Variants in THRB observed in about 807,000 individuals in gnomAD.
THRB encodes the protein thyroid hormone receptor beta, also known as nuclear receptor subfamily 1 group A member 2.
THRB carries 12 observed loss-of-function variants against 47.8 expected under a neutral mutation model. The ratio of observed to expected loss-of-function variants is 0.25; its 90% CI spans 0.16 to 0.41. The LOEUF is 0.41. THRB is among the 10% of genes least tolerant of loss of function. The pLI is 1.00. For synonymous variants in THRB, 218 were observed against 212.2 expected, an observed-to-expected ratio of 1.03 and a Z score of -0.24; for missense variants, 348 against 589.2, an observed-to-expected ratio of 0.59 and a Z score of 4.24.
intron 4 of THRB, among the ~76,000 whole-genome samples, chr3:24,195,289 AG>A (rs1337693328): frequency 6.6e-6 from 1 of 152,200 alleles, no homozygotes; most frequent in Non-Finnish European, 1.5e-5. Context: ...TTAACTGACA[AG>A]GAACCTAAAA....
At chr3:24,427,380 A>C (rs2069869753) in intron 1 of THRB, among the ~76,000 whole-genome samples, 1 of 152,044 alleles carries the variant, frequency 6.6e-6, no homozygotes, top group African/African-American at 2.4e-5. Flanking sequence ...TGTGATTAAA[A>C]ATAGCAAACC....
chr3:24,407,660 T>A (rs2067938655), intron 1 of THRB, among the ~76,000 whole-genome samples: 4 of 151,892 alleles, frequency 2.6e-5, no homozygotes, highest in Admixed American at 2.6e-4. Context: ...CATTGAGAAC[T>A]GTTGCGTTGG....
chr3:24,401,103 G>A (rs1279813870), intron 1 of THRB, among the ~76,000 whole-genome samples: 5 of 151,664 alleles, frequency 3.3e-5, no homozygotes, highest in Admixed American at 6.6e-5. Flanking sequence ...AAACACAAAC[G>A]AGCTTTTAAA....
intron 1 of THRB, among the ~76,000 whole-genome samples, chr3:24,380,074 C>A (rs933558959): frequency 6.7e-6 from 1 of 150,002 alleles, no homozygotes; most frequent in African/African-American, 2.5e-5. Flanking sequence ...TTACTATGAG[C>A]AGCATTAAGA....
intron 3 of THRB, among the ~76,000 whole-genome samples, chr3:24,262,060 T>A (rs6782646): frequency 0.1 from 15,546 of 152,216 alleles, 2,060 homozygotes; most frequent in African/African-American, 0.31. Flanking sequence ...AGACCTCTCC[T>A]TGAACTCTAG....
chr3:24,408,425 A>T (rs1269313104), intron 1 of THRB, among the ~76,000 whole-genome samples: 4 of 151,822 alleles, frequency 2.6e-5, no homozygotes, highest in African/African-American at 9.7e-5. Context: ...TGTTGTGATC[A>T]CACCAAATTT....
At chr3:24,366,405 T>C (rs140469366) in intron 1 of THRB, among the ~76,000 whole-genome samples, 73 of 152,246 alleles carry the variant, frequency 4.8e-4, no homozygotes, top group African/African-American at 1.6e-3. Context: ...GACCAGGTGG[T>C]AGCGATGGCG....
intron 1 of THRB, among the ~76,000 whole-genome samples, chr3:24,459,835 A>AT (rs1290595077): frequency 6.6e-6 from 1 of 152,068 alleles, no homozygotes; most frequent in Non-Finnish European, 1.5e-5. Flanking sequence ...TTAAGTTCTA[A>AT]TATCCAGAAT....
At chr3:24,456,363 T>A (rs1302215429) in intron 1 of THRB, among the ~76,000 whole-genome samples, 1 of 151,818 alleles carries the variant, frequency 6.6e-6, no homozygotes, top group Non-Finnish European at 1.5e-5. Context: ...AAAATGTTTA[T>A]GAAGCTTATA....
chr3:24,363,991 G>A (rs1218302043), intron 1 of THRB, among the ~76,000 whole-genome samples: 1 of 152,140 alleles, frequency 6.6e-6, no homozygotes, highest in African/African-American at 2.4e-5. Flanking sequence ...AGTCTGAGAA[G>A]TAATACAAGG....
chr3:24,332,942 G>A lies in THRB; in HGVS notation c.-189+4358C>T, dbSNP rs182335176. Among the ~76,000 whole-genome samples, 8 of 152,160 alleles carry A rather than the reference G, an allele frequency of 5.3e-5. No individual in the cohort carries two copies. In the East Asian group the frequency reaches 7.7e-4, roughly 15 times the overall value. On this transcript the variant is annotated intron_variant, in intron 2 of 10. Coordinates refer to ENST00000646209, the MANE Select transcript of THRB (RefSeq NM_001354712.2). ...CTACTAAAAATACAAAAAATTAGCCGGGCGTGGTGGCGGGTGCCTATAGTC... is the reference window on the plus strand; with the variant it reads ...CTACTAAAAATACAAAAAATTAGCCAGGCGTGGTGGCGGGTGCCTATAGTC...
chr3:24,150,932 C>T (rs1220793073), intron 6 of THRB, among the ~76,000 whole-genome samples: 1 of 152,112 alleles, frequency 6.6e-6, no homozygotes, highest in East Asian at 1.9e-4. Flanking sequence ...AGTTTTATTA[C>T]TTTCAAATCA....
intron 2 of THRB, among the ~76,000 whole-genome samples, chr3:24,314,513 G>T (rs1460014545): frequency 6.6e-6 from 1 of 152,114 alleles, no homozygotes; most frequent in Non-Finnish European, 1.5e-5. Context: ...CTGAGGAGAG[G>T]TCTTTTTTTT....
At chr3:24,146,000 C>T (rs886305836) in intron 7 of THRB, among the ~76,000 whole-genome samples, 7 of 152,092 alleles carry the variant, frequency 4.6e-5, no homozygotes, top group Non-Finnish European at 7.3e-5. Flanking sequence ...GTAAATCCCT[C>T]GCACAGTGTG....
chr3:24,271,268 T>C (rs893912665), intron 3 of THRB, among the ~76,000 whole-genome samples: 8 of 152,338 alleles, frequency 5.3e-5, no homozygotes, highest in East Asian at 3.9e-4. Flanking sequence ...ATGCGGCTTA[T>C]GAAAATACTA....
At chr3:24,142,120 C>G (rs186132489) in intron 8 of THRB, among the ~76,000 whole-genome samples, 1 of 152,278 alleles carries the variant, frequency 6.6e-6, no homozygotes, top group East Asian at 1.9e-4. Context: ...AGACATAAAT[C>G]CCGGAGCTGG....
intron 1 of THRB, among the ~76,000 whole-genome samples, chr3:24,389,173 T>C (rs184930414): frequency 5.8e-4 from 88 of 152,246 alleles, no homozygotes; most frequent in Non-Finnish European, 1.0e-3. Flanking sequence ...ATACAGATTT[T>C]TGGAGTGGTT....
At chr3:24,278,409 T>C (rs2054163264) in intron 3 of THRB, among the ~76,000 whole-genome samples, 3 of 152,226 alleles carry the variant, frequency 2.0e-5, no homozygotes, top group South Asian at 4.1e-4. Flanking sequence ...ATTCTATTTG[T>C]GTGGTCTGCA....
intron 3 of THRB, among the ~76,000 whole-genome samples, chr3:24,258,480 A>G (rs1487370174): frequency 6.6e-6 from 1 of 152,152 alleles, no homozygotes; most frequent in Non-Finnish European, 1.5e-5. Context: ...TGTGGCATTG[A>G]ACCTTCCCCT....
Sources: allele counts gnomAD v4.1 joint callset (sites outside exome capture counted in the v4.1 genomes callset), GRCh38; gene constraint gnomAD v4.1.1; transcripts MANE v1.5; gene names NCBI Gene and HGNC (gene_info 2026-07-23, HGNC 2026-07-21).